Variants in VPS41 observed in about 807,000 individuals in gnomAD.
VPS41 encodes the protein vacuolar protein sorting-associated protein 41 homolog.
Under a neutral mutation model 130.9 loss-of-function variants are expected in VPS41, and 85 were observed. The ratio of observed to expected loss-of-function variants is 0.65; its 90% CI spans 0.55 to 0.78. VPS41 has a LOEUF of 0.78. VPS41 is among the 30% of genes least tolerant of loss of function. The pLI is 0.00. For missense variants in VPS41, 874 were observed against 1,018.7 expected, an observed-to-expected ratio of 0.86 and a Z score of 1.93; for synonymous variants, 335 against 332.9, an observed-to-expected ratio of 1.01 and a Z score of -0.07.
At chr7:38,816,585 A>G (rs1660132450) in intron 7 of VPS41, among the ~76,000 whole-genome samples, 1 of 152,220 alleles carries the variant, frequency 6.6e-6, no homozygotes, top group African/African-American at 2.4e-5. Context: ...GTATGGTGAT[A>G]GCATTTAGTA....
intron 4 of VPS41, among the ~76,000 whole-genome samples, chr7:38,836,154 T>C (rs1331122568): frequency 6.6e-6 from 1 of 152,024 alleles, no homozygotes; most frequent in African/African-American, 2.4e-5. Context: ...GTTTTTATGT[T>C]TCCCCATTTC....
In VPS41 at chr7:38,821,261, T is replaced by C; in HGVS notation, c.326A>G (p.Gln109Arg). 3 of 1,613,084 alleles carry C rather than the reference T, an allele frequency of 1.9e-6. No individual in the cohort carries two copies. Among genetic ancestry groups the C allele is most frequent in the Non-Finnish European group, 2.5e-6 (3 of 1,179,306 alleles). The change falls in exon 6 of 29, where the codon CAG becomes CGG. Residue 109 changes from glutamine to arginine, a missense_variant. Transcript: ENST00000310301. Reference protein sequence around the residue: ...MGVCSEDGKVQVFGLYSGEEF... With the variant: ...MGVCSEDGKVRVFGLYSGEEF... ...TTCTCCAGAATACAGTCCAAATACCTGCACCTACAAAGAAAATGGATTGTA... is the reference window on the plus strand; with the variant it reads ...TTCTCCAGAATACAGTCCAAATACCCGCACCTACAAAGAAAATGGATTGTA...
At chr7:38,864,086 G>T (rs747407104) in intron 3 of VPS41, among the ~76,000 whole-genome samples, 1 of 152,168 alleles carries the variant, frequency 6.6e-6, no homozygotes, top group Non-Finnish European at 1.5e-5. Flanking sequence ...TGTGGTAAAA[G>T]AATGGGTCTT....
rs184078331 is a variant in VPS41, at chr7:38,829,306, T to C, written c.321+948A>G. Among the ~76,000 whole-genome samples, 11 of 152,352 alleles carry C rather than the reference T, an allele frequency of 7.2e-5. No homozygotes were observed. The East Asian group carries it at 2.1e-3, about 29-fold the overall frequency. On this transcript the variant is annotated intron_variant, in intron 5 of 28. Transcript: ENST00000310301. The stretch of plus-strand genomic sequence containing the variant: ...TGTCAAGAGACTTCATGTTGCTTTT[T>C]GTTAACAGATTAAATGGGTATATCT...
intron 19 of VPS41, among the ~76,000 whole-genome samples, chr7:38,756,213 T>TACACACAC (rs3839727): frequency 0.027 from 3,915 of 146,598 alleles, 82 homozygotes; most frequent in East Asian, 0.081. Context: ...AGATTTCTTT[T>TACACACAC]ACACACACAC....
intron 2 of VPS41, among the ~76,000 whole-genome samples, chr7:38,872,943 T>G (rs532701826): frequency 6.6e-6 from 1 of 152,320 alleles, no homozygotes; most frequent in South Asian, 2.1e-4. Context: ...ATGCCACATG[T>G]TGCTCAAGTC....
chr7:38,792,545 G>T (rs1182197672), intron 9 of VPS41, among the ~76,000 whole-genome samples: 2 of 152,114 alleles, frequency 1.3e-5, no homozygotes, highest in Non-Finnish European at 2.9e-5. Context: ...CCAGGATCTG[G>T]TCATTTCTCA....
chr7:38,879,454 A>G (rs1786555615), intron 2 of VPS41, among the ~76,000 whole-genome samples: 1 of 152,180 alleles, frequency 6.6e-6, no homozygotes, highest in African/African-American at 2.4e-5. Flanking sequence ...TCACCTCACA[A>G]ATTCCCACAC....
In VPS41 at chr7:38,726,336, C is replaced by T. The variant is rs755229578; in HGVS notation, c.2485-10G>A. On this transcript the variant is annotated splice_polypyrimidine_tract_variant and intron_variant, in intron 28 of 28. Transcript: ENST00000310301. ...ACTGTGCAGCAGAGTTCTAAAAATGCAATTTAAAAACACATATTTAAAAAA... is the reference window on the plus strand; with the variant it reads ...ACTGTGCAGCAGAGTTCTAAAAATGTAATTTAAAAACACATATTTAAAAAA... The T allele has an allele frequency of 1.9e-6, 3 of 1,605,164 alleles. No homozygotes were observed. The highest frequency in any genetic ancestry group is 2.6e-6 in the Non-Finnish European group (3 of 1,173,378).
At chr7:38,761,263 CTTTTTTTTTT>C (rs66692164) in intron 17 of VPS41, among the ~76,000 whole-genome samples, 10 of 57,006 alleles carry the variant, frequency 1.8e-4, no homozygotes, top group Admixed American at 1.6e-3. Flanking sequence ...CTCTTCCTCT[CTTTTTTTTTT>C]TTTTTTTTTT....
intron 3 of VPS41, among the ~76,000 whole-genome samples, chr7:38,863,176 T>A (rs1023559332): frequency 2.0e-5 from 3 of 152,246 alleles, no homozygotes; most frequent in African/African-American, 4.8e-5. Context: ...ATGTTGAGTG[T>A]TAATGTTTAT....
At chr7:38,815,980 C>A (rs930192469) in intron 7 of VPS41, among the ~76,000 whole-genome samples, 1 of 152,024 alleles carries the variant, frequency 6.6e-6, no homozygotes, top group Non-Finnish European at 1.5e-5. Context: ...CCTATTAATT[C>A]TCTCCCTCTA....
At chr7:38,761,935 C>G (rs1478510288) in intron 17 of VPS41, among the ~76,000 whole-genome samples, 1 of 152,040 alleles carries the variant, frequency 6.6e-6, no homozygotes, top group Non-Finnish European at 1.5e-5. Flanking sequence ...AGATTTCTAC[C>G]CCAATACCAG....
chr7:38,781,154 CA>C (rs35120687), intron 10 of VPS41, among the ~76,000 whole-genome samples: 4 of 151,674 alleles, frequency 2.6e-5, no homozygotes, highest in Non-Finnish European at 5.9e-5. Context: ...ATAAAGAGTT[CA>C]AAAAAAGAGG....
chr7:38,811,145 GA>G (rs1317146487), intron 7 of VPS41, among the ~76,000 whole-genome samples: 2 of 151,994 alleles, frequency 1.3e-5, no homozygotes, highest in African/African-American at 4.8e-5. Flanking sequence ...ATTTCTTAAT[GA>G]AATTAGAAAA....
chr7:38,833,179 C>G (rs1461741066), intron 4 of VPS41, among the ~76,000 whole-genome samples: 1 of 152,166 alleles, frequency 6.6e-6, no homozygotes, highest in South Asian at 2.1e-4. Flanking sequence ...ATTTCACCAC[C>G]CCTACAGCTG....
intron 24 of VPS41, among the ~76,000 whole-genome samples, chr7:38,742,762 T>A (rs1412718251): frequency 2.8e-5 from 4 of 144,698 alleles, no homozygotes; most frequent in Non-Finnish European, 1.5e-5. Context: ...CTACCAAACT[T>A]AAAAAAAAAA....
At chr7:38,757,039 A>G (rs568864797) in intron 18 of VPS41, 57 bp from the exon 19 acceptor site, 30 of 1,316,056 alleles carry the variant, frequency 2.3e-5, no homozygotes, top group Non-Finnish European at 3.1e-5. Context: ...TAAAACACAC[A>G]CAGAGAGATC....
intron 19 of VPS41, among the ~76,000 whole-genome samples, chr7:38,756,531 T>G (rs769722316): frequency 2.0e-5 from 3 of 152,176 alleles, no homozygotes; most frequent in Non-Finnish European, 2.9e-5. Flanking sequence ...ATATACGTGG[T>G]TTGTTTCTAT....
Sources: gnomAD v4.1 joint callset for allele counts (sites outside exome capture counted in the v4.1 genomes callset) on GRCh38, gnomAD v4.1.1 for gene constraint, MANE v1.5 for transcripts, NCBI Gene and HGNC (gene_info 2026-07-23, HGNC 2026-07-21) for gene names.